Variants in SUCLG2 observed in about 807,000 individuals in gnomAD.
The protein encoded by SUCLG2 is succinate--CoA ligase [GDP-forming] subunit beta, mitochondrial.
SUCLG2 carries 42 observed loss-of-function variants against 47.9 expected under a neutral mutation model. The ratio of observed to expected loss-of-function variants is 0.88; its 90% CI spans 0.69 to 1.14. SUCLG2 has a LOEUF of 1.14. Ranked by LOEUF, SUCLG2 falls within the 50% of genes most tolerant of loss-of-function variation. SUCLG2 has a pLI of 0.00. For missense variants in SUCLG2, 571 were observed against 525.9 expected, an observed-to-expected ratio of 1.09 and a Z score of -0.84; for synonymous variants, 195 against 197.3, an observed-to-expected ratio of 0.99 and a Z score of 0.10.
chr3:67,404,928 C>T (rs1229203737), intron 9 of SUCLG2, among the ~76,000 whole-genome samples: 2 of 151,070 alleles, frequency 1.3e-5, no homozygotes, highest in African/African-American at 4.9e-5. Context: ...ATACCAACAG[C>T]AACTTTTAAT....
At chr3:67,512,428 C>T (rs1705817639) in intron 6 of SUCLG2, among the ~76,000 whole-genome samples, 1 of 150,928 alleles carries the variant, frequency 6.6e-6, no homozygotes, top group African/African-American at 2.5e-5. Context: ...GGGCAGGCAT[C>T]TTATGTATCC....
intron 1 of SUCLG2, among the ~76,000 whole-genome samples, chr3:67,637,894 T>C (rs897310907): frequency 3.3e-5 from 5 of 152,142 alleles, no homozygotes; most frequent in African/African-American, 1.2e-4. Flanking sequence ...CCCAACTAAA[T>C]GACAACCATT....
chr3:67,538,076 T>C (rs1488888768), intron 2 of SUCLG2, among the ~76,000 whole-genome samples: 2 of 152,208 alleles, frequency 1.3e-5, no homozygotes, highest in Non-Finnish European at 1.5e-5. Flanking sequence ...TTAGTTTAAT[T>C]AGAGCCCATT....
intron 9 of SUCLG2, among the ~76,000 whole-genome samples, chr3:67,425,376 C>T (rs79519290): frequency 3.9e-5 from 6 of 152,112 alleles, no homozygotes; most frequent in East Asian, 1.9e-4. Context: ...ATGGGATATC[C>T]GGATATCTGG....
chr3:67,558,101 C>T (rs1019772389), intron 2 of SUCLG2, among the ~76,000 whole-genome samples: 1 of 152,102 alleles, frequency 6.6e-6, no homozygotes, highest in African/African-American at 2.4e-5. Flanking sequence ...CGGCTTGTCT[C>T]CTATATGAGT....
chr3:67,398,460 A>G, intron 10 of SUCLG2, among the ~76,000 whole-genome samples: 1 of 151,822 alleles, frequency 6.6e-6, no homozygotes, highest in Non-Finnish European at 1.5e-5. Flanking sequence ...GCAAATCAAA[A>G]CCACAATGAG....
At chr3:67,619,218 T>C (rs148987086) in intron 1 of SUCLG2, among the ~76,000 whole-genome samples, 20 of 152,294 alleles carry the variant, frequency 1.3e-4, no homozygotes, top group Admixed American at 4.6e-4. Context: ...CTGAGTCCCA[T>C]GAAATTCCAG....
In SUCLG2 at chr3:67,374,817, T is replaced by C. The variant is rs1702003409; in HGVS notation, c.*927A>G. ...ATCCAAATCCTTTCCCACAACAAAATTGGACATCATGGAAAAAAAAAACAC... is the reference window on the plus strand; with the variant it reads ...ATCCAAATCCTTTCCCACAACAAAACTGGACATCATGGAAAAAAAAAACAC... On this transcript the variant is annotated 3_prime_UTR_variant, in exon 11 of 11. Transcript: ENST00000307227. 1 of 965,780 alleles carries C rather than the reference T, an allele frequency of 1.0e-6. No homozygotes were observed. Among genetic ancestry groups the C allele is most frequent in the African/African-American group, 1.9e-5 (1 of 52,814 alleles). 59.8% of individuals were successfully genotyped at this position (965,780 alleles called of 1,614,324 possible).
At chr3:67,453,523 T>C in intron 9 of SUCLG2, among the ~76,000 whole-genome samples, 1 of 152,296 alleles carries the variant, frequency 6.6e-6, no homozygotes, top group East Asian at 1.9e-4. Flanking sequence ...AATCAACTGC[T>C]AAAGGCCCCA....
intron 7 of SUCLG2, among the ~76,000 whole-genome samples, chr3:67,507,853 G>T (rs1232290245): frequency 6.6e-6 from 1 of 152,196 alleles, no homozygotes; most frequent in Non-Finnish European, 1.5e-5. Flanking sequence ...AAAAAGAAAA[G>T]GTTCATGGTG....
At chr3:67,421,182 CTT>C (rs1703148991) in intron 9 of SUCLG2, among the ~76,000 whole-genome samples, 2 of 152,114 alleles carry the variant, frequency 1.3e-5, no homozygotes, top group African/African-American at 4.8e-5. Context: ...TACCCAAACT[CTT>C]ATCCAACCTG....
intron 2 of SUCLG2, among the ~76,000 whole-genome samples, chr3:67,583,993 A>G (rs1044561441): frequency 6.6e-6 from 1 of 152,182 alleles, no homozygotes; most frequent in Admixed American, 6.5e-5. Context: ...ATGTAATACC[A>G]CATATTCAAG....
intron 9 of SUCLG2, among the ~76,000 whole-genome samples, chr3:67,487,845 T>C (rs898667517): frequency 6.6e-6 from 1 of 152,176 alleles, no homozygotes; most frequent in African/African-American, 2.4e-5. Flanking sequence ...TTATCTTATA[T>C]GAATAATCCC....
chr3:67,393,500 C>T (rs146824230), intron 10 of SUCLG2, among the ~76,000 whole-genome samples: 8 of 152,220 alleles, frequency 5.3e-5, no homozygotes, highest in Non-Finnish European at 8.8e-5. Context: ...GGCTTGCTTA[C>T]GTAAACAAAG....
chr3:67,565,051 G>C (rs75371325), intron 2 of SUCLG2, among the ~76,000 whole-genome samples: 1 of 151,976 alleles, frequency 6.6e-6, no homozygotes, highest in Non-Finnish European at 1.5e-5. Context: ...TAATGAGTGA[G>C]TGACTCTGGT....
chr3:67,564,714 T>C (rs1415594368), intron 2 of SUCLG2, among the ~76,000 whole-genome samples: 1 of 152,234 alleles, frequency 6.6e-6, no homozygotes, highest in East Asian at 1.9e-4. Context: ...CTTTTTTCTT[T>C]TTAGTTCATG....
chr3:67,563,959 C>CAAAA (rs756674869), intron 2 of SUCLG2, among the ~76,000 whole-genome samples: 2 of 78,156 alleles, frequency 2.6e-5, no homozygotes, highest in South Asian at 3.5e-4. Context: ...GACTCTGTCT[C>CAAAA]AAAAAAAAAA....
At chr3:67,484,545 G>T (rs1705002560) in intron 9 of SUCLG2, among the ~76,000 whole-genome samples, 1 of 152,180 alleles carries the variant, frequency 6.6e-6, no homozygotes, top group African/African-American at 2.4e-5. Context: ...AACCTTGAAT[G>T]GGGAGAAAAT....
At chr3:67,390,961 G>A (rs1006594996) in intron 10 of SUCLG2, among the ~76,000 whole-genome samples, 13 of 152,038 alleles carry the variant, frequency 8.6e-5, no homozygotes, top group African/African-American at 3.1e-4. Context: ...TTGTTTCTCA[G>A]GTGTTCATTA....
Sources: gnomAD v4.1 joint callset for allele counts (sites outside exome capture counted in the v4.1 genomes callset) on GRCh38, gnomAD v4.1.1 for gene constraint, MANE v1.5 for transcripts, NCBI Gene and HGNC (gene_info 2026-07-23, HGNC 2026-07-21) for gene names.